The following SEMA5B variants were observed in gnomAD, a reference collection of about 807,000 sequenced individuals.
The protein encoded by SEMA5B is semaphorin-5B.
Under a neutral mutation model 135.0 loss-of-function variants are expected in SEMA5B, and 66 were observed. The ratio of observed to expected loss-of-function variants is 0.49; its 90% CI spans 0.40 to 0.60. The LOEUF (loss-of-function observed/expected upper bound fraction) is 0.60, where lower values mean the gene tolerates loss of function less well. SEMA5B is among the 20% of genes least tolerant of loss of function. The pLI is 0.00. For synonymous variants in SEMA5B, 690 were observed against 639.5 expected (o/e 1.08, Z -1.19); for missense variants, 1,501 against 1,566.3 (o/e 0.96, Z 0.70).
At chr3:122,980,067 G>C (rs1028332542) in intron 1 of SEMA5B, among the ~76,000 whole-genome samples, 2 of 152,138 alleles carry the variant, frequency 1.3e-5, no homozygotes, top group South Asian at 2.1e-4. Flanking sequence ...CACTTAAAAA[G>C]TATCATTTCT....
At chr3:122,978,276 G>A (rs898608342) in intron 1 of SEMA5B, among the ~76,000 whole-genome samples, 1 of 152,250 alleles carries the variant, frequency 6.6e-6, no homozygotes, top group Non-Finnish European at 1.5e-5. Context: ...ATGAGCCGAT[G>A]AGATCATGGC....
In SEMA5B at chr3:122,921,895, G is replaced by A. The variant is rs1938363479; in HGVS notation, c.1688+20C>T. 4 of 1,521,598 alleles carry A rather than the reference G, an allele frequency of 2.6e-6. No individual in the cohort carries two copies. The East Asian group carries it at 9.9e-5, about 38-fold the overall frequency. 94.3% of individuals were successfully genotyped at this position (1,521,598 alleles called of 1,614,324 possible). A position where few individuals can be genotyped will look rare whatever the true frequency, so the allele number is the denominator to read the frequency against. ...CTCCTCCGCAGTGGAGGCCTCGGGA[G>A]CCGCCCCGTCCCGGCTTACCCCTGG... On this transcript the variant is annotated intron_variant, in intron 12 of 22. Transcript: ENST00000357599.
intron 9 of SEMA5B, among the ~76,000 whole-genome samples, chr3:122,924,829 A>T (rs9289211): frequency 2.0e-5 from 3 of 151,944 alleles, no homozygotes; most frequent in African/African-American, 7.3e-5. Flanking sequence ...GCTTTCCCTG[A>T]TCACCACTCC....
Position 122,923,611 on chromosome 3 carries a change from C to T in SEMA5B, c.1272+6G>A. 1 of 1,613,968 alleles carries T rather than the reference C, an allele frequency of 6.2e-7. No homozygotes were observed. On this transcript the variant is annotated splice_donor_region_variant and intron_variant, in intron 10 of 22. Transcript: ENST00000357599. ...GAAGACAGGGAAAGAGGAGGAGATTCTGTACCTGGAAATTGGGGATGGGGT... is the reference window on the plus strand; with the variant it reads ...GAAGACAGGGAAAGAGGAGGAGATTTTGTACCTGGAAATTGGGGATGGGGT...
chr3:122,963,171 C>T (rs1191973376), intron 1 of SEMA5B, among the ~76,000 whole-genome samples: 3 of 152,216 alleles, frequency 2.0e-5, no homozygotes, highest in Non-Finnish European at 2.9e-5. Flanking sequence ...CAATTACAGA[C>T]CAAGCCTTTC....
At chr3:122,913,716 G>A (rs1937906987) in intron 15 of SEMA5B, 35 bp from the exon 16 acceptor site, 2 of 1,606,770 alleles carry the variant, frequency 1.2e-6, no homozygotes, top group Non-Finnish European at 1.7e-6. Context: ...TCCAGGGAGG[G>A]GGACCCCCTT....
In SEMA5B at chr3:122,926,349, TC is replaced by T. The variant is rs1260131961; in HGVS notation, c.1136+42del. 3 of 1,570,954 alleles carry T rather than the reference TC, an allele frequency of 1.9e-6. No individual in the cohort carries two copies. In the East Asian group the frequency reaches 6.8e-5, roughly 36 times the overall value. On this transcript the variant is annotated intron_variant, in intron 9 of 22. Transcript: ENST00000357599. ...CACCAGGCCATGAGGCCAGGCCAGC[TC>T]CTGACATCACAGGCAAGGGGCTGGC...
In SEMA5B at chr3:122,929,029, C is replaced by T. The variant is rs145417933; in HGVS notation, c.504G>A (p.Thr168=). Residue 168 remains threonine (T), a synonymous_variant, in exon 6 of 23, where the codon ACG becomes ACA. Coordinates refer to ENST00000357599, the MANE Select transcript of SEMA5B (RefSeq NM_001031702.4). ...TCCCTTTGCTTTGGCAGGAGCGGCG[C>T]GTGTCCTCACTGGAGGCCCACTCTG... ...QATEWASSED[T]RRSCQSKGKT... is the part of the protein sequence containing the mutation. The T allele has an allele frequency of 1.1e-4, 184 of 1,612,194 alleles. No homozygotes were observed. Among genetic ancestry groups the T allele is most frequent in the Non-Finnish European group, 1.4e-4 (170 of 1,180,030 alleles).
chr3:122,999,495 G>T (rs1296082744), intron 1 of SEMA5B, among the ~76,000 whole-genome samples: 1 of 152,036 alleles, frequency 6.6e-6, no homozygotes, highest in Non-Finnish European at 1.5e-5. Context: ...AAAGTGCTGG[G>T]ATTACAGGAG....
intron 1 of SEMA5B, among the ~76,000 whole-genome samples, chr3:122,995,720 C>T (rs765650162): frequency 7.9e-5 from 12 of 152,196 alleles, no homozygotes; most frequent in South Asian, 2.1e-4. Flanking sequence ...TTTGGGTTCT[C>T]GTCCCTATTC....
chr3:122,928,102 TG>T, intron 7 of SEMA5B, 99 bp from the exon 8 acceptor site: 1 of 813,786 alleles, frequency 1.2e-6, no homozygotes. Flanking sequence ...CCAGTCTCTC[TG>T]GGCCTCTCCC....
chr3:122,962,583 A>T (rs1372555078), intron 1 of SEMA5B, among the ~76,000 whole-genome samples: 1 of 152,246 alleles, frequency 6.6e-6, no homozygotes, highest in African/African-American at 2.4e-5. Flanking sequence ...ACACAAGGTG[A>T]TCATTATTCA....
chr3:122,949,862 C>T (rs927433985), intron 2 of SEMA5B, among the ~76,000 whole-genome samples: 5 of 152,286 alleles, frequency 3.3e-5, no homozygotes, highest in East Asian at 3.9e-4. Flanking sequence ...ATTTCATCCA[C>T]GACCTAACCA....
chr3:122,966,050 TG>T lies in SEMA5B; in HGVS notation c.-38-4750del, dbSNP rs1357245577. On this transcript the variant is annotated intron_variant, in intron 1 of 22. Transcript: ENST00000357599. ...GGAAGGGACCCTCCAGCAGCTAACT[TG>T]AATCTCTCTGATTCCAGACCCTTCT... Among the ~76,000 whole-genome samples the T allele has an allele frequency of 2.6e-5, 4 of 152,176 alleles. No homozygotes were observed. In the East Asian group the frequency reaches 7.7e-4, roughly 29 times the overall value.
intron 9 of SEMA5B, among the ~76,000 whole-genome samples, chr3:122,925,209 C>T (rs773390822): frequency 5.9e-5 from 9 of 151,994 alleles, no homozygotes; most frequent in Non-Finnish European, 1.3e-4. Flanking sequence ...GGTGTTCCTA[C>T]AAAGCACACT....
intron 7 of SEMA5B, 94 bp from the exon 8 acceptor site, chr3:122,928,097 C>G (rs892476714): frequency 5.0e-6 from 4 of 792,144 alleles, no homozygotes; most frequent in Non-Finnish European, 7.6e-6. Flanking sequence ...GTGCCCCAGT[C>G]TCTCTGGGCC....
rs1939735044 is a variant in SEMA5B, at chr3:122,945,277, T to TGAATATAGGTTGGC, written c.329-1743_329-1742insGCCAACCTATATTC. ...CCCCCAGCAGGTGATTATAGGTTGG[T>TGAATATAGGTTGGC]GACTATAGGTTGGCAAGAATTGTCA... On this transcript the variant is annotated intron_variant, in intron 3 of 22. Transcript: ENST00000357599. Among the ~76,000 whole-genome samples, 3 of 152,282 alleles carry TGAATATAGGTTGGC rather than the reference T, an allele frequency of 2.0e-5. No homozygotes were observed. In the South Asian group the frequency reaches 6.2e-4, roughly 32 times the overall value.
Position 122,988,300 on chromosome 3 carries a change from G to T in SEMA5B, c.-38-26999C>A, listed in dbSNP as rs190194797. Among the ~76,000 whole-genome samples the T allele has an allele frequency of 3.6e-4, 55 of 152,352 alleles. 2 individuals are homozygous for T. In the East Asian group the frequency reaches 8.7e-3, roughly 24 times the overall value. ...AACTCACAGCCAGGTTTCCTGAAAA[G>T]AAGGTGTGGCACCCAGCTCTAGCAT... On this transcript the variant is annotated intron_variant, in intron 1 of 22. Transcript: ENST00000357599.
chr3:122,954,938 A>G (rs1190219506), intron 2 of SEMA5B, among the ~76,000 whole-genome samples: 1 of 151,078 alleles, frequency 6.6e-6, no homozygotes, highest in African/African-American at 2.4e-5. Flanking sequence ...GACTACAGGC[A>G]CATACCACCA....
Sources: gnomAD v4.1 joint callset for allele counts (sites outside exome capture counted in the v4.1 genomes callset) on GRCh38, gnomAD v4.1.1 for gene constraint, MANE v1.5 for transcripts, NCBI Gene and HGNC (gene_info 2026-07-23, HGNC 2026-07-21) for gene names.